The following SYNE1 variants were observed in gnomAD, a reference collection of about 807,000 sequenced individuals.
SYNE1 encodes spectrin repeat containing nuclear envelope protein 1, also known as nesprin-1.
SYNE1 carries 616 observed loss-of-function variants against 1,111.0 expected under a neutral mutation model. The ratio of observed to expected loss-of-function variants is 0.55; its 90% CI spans 0.52 to 0.59. The LOEUF (loss-of-function observed/expected upper bound fraction) is 0.59. Among genes scored for constraint, SYNE1 ranks in the 20% least tolerant of loss-of-function variants. The probability of loss-of-function intolerance (pLI) is 0.00; values close to 1 mark genes in which losing one functional copy is unlikely to be tolerated. For missense variants in SYNE1, 10,006 were observed against 10,417.0 expected, an observed-to-expected ratio of 0.96 and a Z score of 1.72; for synonymous variants, 3,855 against 3,825.8, an observed-to-expected ratio of 1.01 and a Z score of -0.28.
In SYNE1 at chr6:152,330,124, G is replaced by T; in HGVS notation, c.14561C>A (p.Ala4854Asp). ...PHLDPLAYEK[A>D]RHQIQSWQGE... ...TTGCCAGGACTGGATCTGATGCCTG[G>T]CTTTCTCATAAGCCAAGGGGTCAAG... is the stretch of plus-strand genomic sequence containing the variant. The change falls in exon 78 of 146, where the codon GCC (alanine) becomes GAC (aspartate). Residue 4854 changes from alanine (A) to aspartate (D), a missense_variant. This residue lies in a region of SYNE1 where 4,955 missense variants were observed against 5,017.2 expected (regional missense o/e 0.99). Coordinates refer to ENST00000367255, the MANE Select transcript of SYNE1 (RefSeq NM_182961.4). The T allele has an allele frequency of 6.2e-7, 1 of 1,614,164 alleles. No homozygotes were observed.
intron 9 of SYNE1, among the ~76,000 whole-genome samples, chr6:152,503,779 C>T (rs1383669056): frequency 1.3e-5 from 2 of 151,890 alleles, no homozygotes; most frequent in African/African-American, 4.8e-5. Flanking sequence ...TGAGTCAAAC[C>T]GTTGAGTAAA....
chr6:152,606,393 T>G (rs2099614854), intron 3 of SYNE1, among the ~76,000 whole-genome samples: 1 of 152,156 alleles, frequency 6.6e-6, no homozygotes, highest in Non-Finnish European at 1.5e-5. Context: ...GGCAAAATTG[T>G]GGTTACAACT....
At chr6:152,152,285 TTCCCC>T (rs2060571154) in intron 133 of SYNE1, 144 bp from the exon 134 acceptor site, 1 of 760,378 alleles carries the variant, frequency 1.3e-6, no homozygotes, top group Non-Finnish European at 2.2e-6. Flanking sequence ...AACGGTACAC[TTCCCC>T]TTGTTAATGC....
intron 62 of SYNE1, among the ~76,000 whole-genome samples, chr6:152,366,638 G>T (rs988036650): frequency 6.6e-6 from 1 of 152,130 alleles, no homozygotes; most frequent in Non-Finnish European, 1.5e-5. Context: ...AAATACATCT[G>T]CATCTGTGGT....
At chr6:152,510,935 G>C in intron 7 of SYNE1, 76 bp downstream of exon 7, 1 of 1,275,904 alleles carries the variant, frequency 7.8e-7, no homozygotes, top group Non-Finnish European at 1.1e-6. Flanking sequence ...TGGCAAATGA[G>C]AGCATTATTA....
Position 152,218,423 on chromosome 6 carries a change from AT to A in SYNE1, c.22045-21del. 1 of 1,592,390 alleles carries A rather than the reference AT, an allele frequency of 6.3e-7. No individual in the cohort carries two copies. The highest frequency in any genetic ancestry group is 8.5e-7 in the Non-Finnish European group (1 of 1,174,150). On this transcript the variant is annotated intron_variant, in intron 120 of 145. Coordinates refer to ENST00000367255, the MANE Select transcript of SYNE1 (RefSeq NM_182961.4). ...TCCAGCCTTTTTTTCCACAAAAGAA[AT>A]TGGTATTTCAGTTAAAAAAAAAAAA...
rs144692175 is a variant in SYNE1, at chr6:152,358,495, C to A, written c.10486G>T (p.Glu3496Ter). The change falls in exon 66 of 146, where the codon GAG (glutamate) becomes TAG (stop). Residue 3496 changes from glutamate (E) to a stop codon, truncating the protein, a stop_gained. Coordinates refer to ENST00000367255, the MANE Select transcript of SYNE1 (RefSeq NM_182961.4). LOFTEE classifies it high-confidence loss of function. ...KSEKLVRLHQ[E>*]YQRDLKAFEV... ...AATGCCTTTAGGTCTCTCTGATACT[C>A]TTGGTGCAGGCGGACAAGTTTTTCA... The A allele has an allele frequency of 3.1e-6, 5 of 1,614,186 alleles. No homozygotes were observed. The highest frequency in any genetic ancestry group is 4.2e-6 in the Non-Finnish European group (5 of 1,180,022).
chr6:152,355,450 A>C (rs1218835733), intron 66 of SYNE1, among the ~76,000 whole-genome samples: 1 of 152,202 alleles, frequency 6.6e-6, no homozygotes, highest in Non-Finnish European at 1.5e-5. Context: ...TACTCTAGGC[A>C]TTGTGGTGGC....
chr6:152,520,470 C>T lies in SYNE1; in HGVS notation c.298G>A (p.Glu100Lys), dbSNP rs187117263. 7.1e-5 allele frequency: 115 copies of T among 1,613,512 alleles called. No homozygotes were observed. The African/African-American group carries it at 9.7e-4, about 14-fold the overall frequency. ...ANIGTALKFLEGRKIKLVNIN... is the reference protein window; with the variant it reads ...ANIGTALKFLKGRKIKLVNIN... ...TGTTTCTCTCTTACCTTTCTTCCTT[C>T]GAGGAACTTGAGTGCCGTGCCAATG... The change falls in exon 6 of 146, where the codon GAA becomes AAA. Residue 100 changes from glutamate to lysine, a missense_variant. Around this residue, in one of 7 missense-constraint regions of SYNE1, gnomAD observed 1,971 missense variants for 2,084.1 expected, o/e 0.95. Coordinates refer to ENST00000367255, the MANE Select transcript of SYNE1 (RefSeq NM_182961.4).
chr6:152,460,248 T>C (rs1479745995), intron 21 of SYNE1, among the ~76,000 whole-genome samples: 2 of 152,234 alleles, frequency 1.3e-5, no homozygotes, highest in African/African-American at 2.4e-5. Flanking sequence ...ATTGTACTTA[T>C]TGTTTAGCAG....
rs759230614 is a variant in SYNE1, at chr6:152,390,399, G to C, written c.8058C>G (p.Gly2686=). 11 of 1,614,034 alleles carry C rather than the reference G, an allele frequency of 6.8e-6. No homozygotes were observed. The highest frequency in any genetic ancestry group is 9.3e-6 in the Non-Finnish European group (11 of 1,180,002). ...EGEVKLNMAI[G]KGEQALRSSN... ...TACTTCTCAAGGCCTGTTCCCCCTT[G>C]CCAATGGCCATATTCAACTTAACTT... is the stretch of plus-strand genomic sequence containing the variant. The change falls in exon 53 of 146, where the codon GGC becomes GGG. Residue 2686 remains glycine (G), a synonymous_variant. Transcript: ENST00000367255.
At chr6:152,537,546 T>C (rs953215475) in intron 4 of SYNE1, among the ~76,000 whole-genome samples, 3 of 152,118 alleles carry the variant, frequency 2.0e-5, no homozygotes. Flanking sequence ...ATTGCTATCA[T>C]AATATTTATA....
chr6:152,357,757 G>A (rs1336434967), intron 66 of SYNE1, among the ~76,000 whole-genome samples: 1 of 152,150 alleles, frequency 6.6e-6, no homozygotes, highest in Non-Finnish European at 1.5e-5. Flanking sequence ...AGCTAGCAAA[G>A]TATCTGTACT....
chr6:152,401,035 T>C (rs1716812322), intron 47 of SYNE1, 103 bp downstream of exon 47: 3 of 1,160,412 alleles, frequency 2.6e-6, no homozygotes, highest in African/African-American at 1.5e-5. Flanking sequence ...GGTGTTCATA[T>C]GGGTAACTGA....
intron 109 of SYNE1, among the ~76,000 whole-genome samples, chr6:152,236,591 T>C (rs1451459631): frequency 6.6e-6 from 1 of 152,130 alleles, no homozygotes; most frequent in East Asian, 1.9e-4. Flanking sequence ...CAGAAAATGC[T>C]TGGTGGAGGC....
intron 4 of SYNE1, among the ~76,000 whole-genome samples, chr6:152,538,541 T>C (rs992127903): frequency 3.9e-5 from 6 of 152,018 alleles, no homozygotes; most frequent in African/African-American, 1.2e-4. Flanking sequence ...TTACTTTCTT[T>C]ACACTTTCTA....
chr6:152,209,490 C>G (rs948843935), intron 124 of SYNE1, among the ~76,000 whole-genome samples: 7 of 152,150 alleles, frequency 4.6e-5, no homozygotes, highest in African/African-American at 1.7e-4. Context: ...TGACTCACGT[C>G]TTTAATCCCA....
At chr6:152,567,415 GC>G (rs1351777911) in intron 3 of SYNE1, among the ~76,000 whole-genome samples, 1 of 152,072 alleles carries the variant, frequency 6.6e-6, no homozygotes, top group African/African-American at 2.4e-5. Flanking sequence ...CCTACACAGT[GC>G]TTACATGTTT....
At chr6:152,619,073 A>G (rs919114663) in intron 3 of SYNE1, among the ~76,000 whole-genome samples, 1 of 130,870 alleles carries the variant, frequency 7.6e-6, no homozygotes, top group African/African-American at 2.8e-5. Flanking sequence ...CACACACACA[A>G]AGTGTAATAT....
Sources: gnomAD v4.1 joint callset for allele counts (sites outside exome capture counted in the v4.1 genomes callset) on GRCh38, gnomAD v4.1.1 for gene constraint, gnomAD v4.1.1 regional missense constraint, MANE v1.5 for transcripts, NCBI Gene and HGNC (gene_info 2026-07-23, HGNC 2026-07-21) for gene names.